USP6: variants seen among roughly 807,000 people sequenced by gnomAD.
USP6 encodes ubiquitin specific peptidase 6.
Under a neutral mutation model 175.7 loss-of-function variants are expected in USP6, and 128 were observed. The observed-to-expected ratio is 0.73, with a 90% CI of 0.63 to 0.84. The LOEUF (loss-of-function observed/expected upper bound fraction) is 0.84, where lower values mean the gene tolerates loss of function less well. USP6 is among the 40% of genes least tolerant of loss of function. USP6 has a pLI of 0.00. For synonymous variants in USP6, 562 were observed against 630.6 expected (o/e 0.89, Z 1.63); for missense variants, 1,498 against 1,760.3 (o/e 0.85, Z 2.67).
At chr17:5,118,314 G>A (rs2072578700) in intron 2 of USP6, 24 bp downstream of exon 2, 1 of 152,500 alleles carries the variant, frequency 6.6e-6, no homozygotes, top group South Asian at 2.1e-4. Flanking sequence ...TGCAGGATCT[G>A]GCTGGCCACT....
intron 17 of USP6, 43 bp downstream of exon 17, chr17:5,135,971 G>A (rs770556375): frequency 5.6e-6 from 9 of 1,596,892 alleles, no homozygotes; most frequent in South Asian, 1.1e-5. Context: ...AGCCAGACCC[G>A]GGAAAGCCAC....
Position 5,132,253 on chromosome 17 carries a change from T to C in USP6, c.156-143T>C. On this transcript the variant is annotated intron_variant, in intron 11 of 37. Transcript: ENST00000574788. The surrounding 1 kb of genome is among the most constrained non-coding windows in gnomAD (Gnocchi z 4.7). ...GGAGTCAGAGCCACAGGAAGGCCCTTGTCCTCCCTTCCCTGTGCCTTCTCC... is the reference window on the plus strand; with the variant it reads ...GGAGTCAGAGCCACAGGAAGGCCCTCGTCCTCCCTTCCCTGTGCCTTCTCC... The C allele has an allele frequency of 6.3e-7, 1 of 1,599,796 alleles. No homozygotes were observed. The highest frequency in any genetic ancestry group is 8.5e-7 in the Non-Finnish European group (1 of 1,172,050).
intron 36 of USP6, 141 bp downstream of exon 36, chr17:5,171,056 C>G (rs1243453671): frequency 8.9e-7 from 1 of 1,122,506 alleles, no homozygotes; most frequent in African/African-American, 1.6e-5. Context: ...ACATTGAAAT[C>G]TGGGCTCACA....
intron 21 of USP6, chr17:5,138,918 G>T: frequency 8.8e-7 from 1 of 1,136,140 alleles, no homozygotes; most frequent in Non-Finnish European, 1.2e-6. Flanking sequence ...CAAGGAGCTG[G>T]GTGACATCCA....
Position 5,139,268 on chromosome 17 carries a change from A to G in USP6, c.1092A>G (p.Gln364=). Residue 364 remains glutamine (Q), a synonymous_variant, in exon 22 of 38, where the codon CAA becomes CAG. Coordinates refer to ENST00000574788, the MANE Select transcript of USP6 (RefSeq NM_001304284.2). ...TTTTCCTTTCAGCCAAACGCGAGCA[A>G]GGGTCCTTGGCACCCAGGCCTGTGC... ...GDLPPPAKRE[Q]GSLAPRPVPA... is the part of the protein sequence containing the mutation. 1.2e-6 allele frequency: 2 copies of G among 1,602,988 alleles called. No homozygotes were observed. Among genetic ancestry groups the G allele is most frequent in the Non-Finnish European group, 1.7e-6 (2 of 1,179,972 alleles).
intron 11 of USP6, among the ~76,000 whole-genome samples, chr17:5,131,435 G>A (rs2073063881): frequency 6.6e-6 from 1 of 151,066 alleles, no homozygotes; most frequent in Non-Finnish European, 1.5e-5. Flanking sequence ...TGAAACACAG[G>A]GTGTGTGGCT....
intron 26 of USP6, among the ~76,000 whole-genome samples, 180 bp downstream of exon 26, chr17:5,145,043 T>C (rs2073567583): frequency 6.6e-6 from 1 of 152,242 alleles, no homozygotes; most frequent in African/African-American, 2.4e-5. Context: ...AAAATACCTT[T>C]AATGAATATA....
chr17:5,155,493 TC>T lies in USP6; in HGVS notation c.2717del (p.Pro906HisfsTer22). ...GCCTCTTTGGAATGCCATTGATTGT[TC>T]CATGCACTGTGCATACCCGGAAGAA... ...PSLFGMPLIV[P>X]CTVHTRKKDL... is the part of the protein sequence containing the mutation. On this transcript the variant is annotated frameshift_variant, in exon 31 of 38. Coordinates refer to ENST00000574788, the MANE Select transcript of USP6 (RefSeq NM_001304284.2). LOFTEE classifies it high-confidence loss of function. 2 of 1,614,140 alleles carry T rather than the reference TC, an allele frequency of 1.2e-6. No individual in the cohort carries two copies. The highest frequency in any genetic ancestry group is 1.7e-6 in the Non-Finnish European group (2 of 1,180,024).
chr17:5,150,206 C>T (rs1236285815), intron 30 of USP6, among the ~76,000 whole-genome samples: 4 of 151,716 alleles, frequency 2.6e-5, no homozygotes, highest in South Asian at 2.1e-4. Flanking sequence ...GCAGGAGAAT[C>T]GCTTGAACCT....
Position 5,130,677 on chromosome 17 carries a change from A to AT in USP6, c.152dup (p.Leu51PhefsTer3), listed in dbSNP as rs776563751. The stretch of plus-strand genomic sequence containing the variant: ...CAACAGCAGCATTGATCGTTTTGGC[A>AT]TTTTGCAGTGAGTCATCCTCTATGC... On this transcript the variant is annotated frameshift_variant, in exon 11 of 38. Transcript: ENST00000574788. LOFTEE classifies it high-confidence loss of function. 1 of 1,613,946 alleles carries AT rather than the reference A, an allele frequency of 6.2e-7. No homozygotes were observed. The highest frequency in any genetic ancestry group is 1.3e-5 in the African/African-American group (1 of 75,034).
chr17:5,172,874 T>A lies in USP6; in HGVS notation c.4117T>A (p.Tyr1373Asn), dbSNP rs1414000014. 6.2e-7 allele frequency: 1 copy of A among 1,613,854 alleles called. No homozygotes were observed. The highest frequency in any genetic ancestry group is 8.5e-7 in the Non-Finnish European group (1 of 1,179,882). Residue 1373 changes from tyrosine to asparagine, a missense_variant, in exon 38 of 38, where the codon TAC (tyrosine) becomes AAC (asparagine). Tyr to Asn is a moderately radical substitution (Grantham distance 143). This residue lies in a region of USP6 where 1,217 missense variants were observed against 1,500.8 expected (regional missense o/e 0.81). Transcript: ENST00000574788. Reference sequence around the variant, plus strand: ...TTTCTATGAGCAGCAGGGGATAGACTACGCACAATTTCTGCCAAAGATTGA... The same window carrying A: ...TTTCTATGAGCAGCAGGGGATAGACAACGCACAATTTCTGCCAAAGATTGA... ...ILFYEQQGID[Y>N]AQFLPKIDGK...
chr17:5,141,032 C>G (rs182147823), intron 22 of USP6, among the ~76,000 whole-genome samples: 2 of 152,166 alleles, frequency 1.3e-5, no homozygotes, highest in African/African-American at 4.8e-5. Context: ...TGCAGTGGTC[C>G]CATAAGATTA....
rs1391077187 is a variant in USP6 at position 5,155,553 on chromosome 17, C to T, written c.2775C>T (p.Ser925=). Residue 925 remains serine (S), a synonymous_variant, in exon 31 of 38, where the codon TCC becomes TCT. Transcript: ENST00000574788. ...ATGATGCGGTTTGGATTCAAGTATC[C>T]TGGTTAGCAAGACCACTCCCACCTC... The part of the protein sequence containing the change: ...DLYDAVWIQV[S]WLARPLPPQE... The T allele has an allele frequency of 1.2e-6, 2 of 1,614,108 alleles. No individual in the cohort carries two copies. The highest frequency in any genetic ancestry group is 3.3e-5 in the Admixed American group (2 of 60,014).
chr17:5,151,421 CAA>C (rs537835797), intron 30 of USP6, among the ~76,000 whole-genome samples: 196 of 137,808 alleles, frequency 1.4e-3, no homozygotes, highest in African/African-American at 5.3e-3. Flanking sequence ...AATAAAAATG[CAA>C]AGTCTGCATG....
chr17:5,142,391 T>G lies in USP6; in HGVS notation c.1713-6T>G. 6.8e-6 allele frequency: 11 copies of G among 1,611,076 alleles called. No individual in the cohort carries two copies. Among genetic ancestry groups the G allele is most frequent in the Non-Finnish European group, 9.3e-6 (11 of 1,178,490 alleles). On this transcript the variant is annotated splice_region_variant and splice_polypyrimidine_tract_variant and intron_variant, in intron 24 of 37. Transcript: ENST00000574788. ...TTGGCAACAAATTTTCCTCTCAAAC[T>G]TCTAGGACAAATCCCATTGGTATGA... is the stretch of plus-strand genomic sequence containing the variant.
At position 5,171,558 on chromosome 17, in the gene USP6, ACATAC is replaced by A. The variant is rs754555419; in HGVS notation, c.3955-27_3955-23del. 3.4e-4 allele frequency: 542 copies of A among 1,610,270 alleles called. 1 individual carries two copies. The highest frequency in any genetic ancestry group is 9.7e-4 in the Admixed American group (58 of 59,964). On this transcript the variant is annotated intron_variant, in intron 36 of 37. Transcript: ENST00000574788. The stretch of plus-strand genomic sequence containing the variant: ...CTGGCCATAGTACAGTTAACTACTA[ACATAC>A]CTCCACTCTCTTATCTCTTACAGTG...
chr17:5,158,615 GA>G (rs1239779582), intron 31 of USP6, among the ~76,000 whole-genome samples: 11 of 8,810 alleles, frequency 1.2e-3, no homozygotes, highest in East Asian at 0.014. Context: ...GGGAGAGGGG[GA>G]GAGAGAGAGA....
rs573817333 is a variant in USP6 at position 5,118,749 on chromosome 17, C to T, written c.-1837+459C>T. Among the ~76,000 whole-genome samples the T allele has an allele frequency of 3.9e-5, 6 of 152,180 alleles. No individual in the cohort carries two copies. In the South Asian group the frequency reaches 8.3e-4, roughly 21 times the overall value. On this transcript the variant is annotated intron_variant, in intron 2 of 37. Coordinates refer to ENST00000574788, the MANE Select transcript of USP6 (RefSeq NM_001304284.2). Reference sequence around the variant, plus strand: ...ACAGAGTGATCACAGTGGCTCTCAGCGGAGAGGGGAGCTAGAGAGGGGGTA... The same window carrying T: ...ACAGAGTGATCACAGTGGCTCTCAGTGGAGAGGGGAGCTAGAGAGGGGGTA...
chr17:5,172,351 GA>G (rs2074243176), intron 37 of USP6, among the ~76,000 whole-genome samples: 1 of 151,446 alleles, frequency 6.6e-6, no homozygotes, highest in African/African-American at 2.4e-5. Context: ...CTAATATGGT[GA>G]AACCCCATCT....
Sources: gnomAD v4.1 joint callset for allele counts (sites outside exome capture counted in the v4.1 genomes callset) on GRCh38, gnomAD v4.1.1 for gene constraint, gnomAD v4.1.1 regional missense constraint, Gnocchi (gnomAD v3.1) non-coding constraint, MANE v1.5 for transcripts, NCBI Gene and HGNC (gene_info 2026-07-23, HGNC 2026-07-21) for gene names.